Variants in ROCK1 observed in about 807,000 individuals in gnomAD.
ROCK1 encodes the protein rho-associated protein kinase 1.
In ROCK1, 36 loss-of-function variants were observed where a neutral mutation model predicts 196.8. The observed-to-expected ratio is 0.18, with a 90% CI of 0.14 to 0.24. The LOEUF (loss-of-function observed/expected upper bound fraction) is 0.24, where lower values mean the gene tolerates loss of function less well. Among genes scored for constraint, ROCK1 ranks in the 10% least tolerant of loss-of-function variants. ROCK1 has a pLI of 1.00. For missense variants in ROCK1, 920 were observed against 1,562.0 expected, an observed-to-expected ratio of 0.59 and a Z score of 6.93; for synonymous variants, 443 against 515.9, an observed-to-expected ratio of 0.86 and a Z score of 1.91.
chr18:21,003,815 G>A (rs2143432543), intron 16 of ROCK1, among the ~76,000 whole-genome samples: 1 of 152,038 alleles, frequency 6.6e-6, no homozygotes, highest in East Asian at 1.9e-4. Flanking sequence ...TTTCAGATTT[G>A]GGATACTCAA....
rs2036753668 is a variant in ROCK1 at position 21,111,642 on chromosome 18, T to C, written c.-732A>G. The C allele has an allele frequency of 6.5e-6, 1 of 152,758 alleles. No homozygotes were observed. Among genetic ancestry groups the C allele is most frequent in the Non-Finnish European group, 1.5e-5 (1 of 68,810 alleles). 9.5% of individuals were successfully genotyped at this position (152,758 alleles called of 1,614,324 possible). A position where few individuals can be genotyped will look rare whatever the true frequency, so the allele number is the denominator to read the frequency against. ...GGAGAGCGGGCGAAGAGGAAGACGA[T>C]AGTTGGGTCCCGGCGGCTGCTGATG... is the stretch of plus-strand genomic sequence containing the variant. On this transcript the variant is annotated 5_prime_UTR_variant, in exon 1 of 33. Transcript: ENST00000399799. The surrounding 1 kb of genome is among the most constrained non-coding windows in gnomAD (Gnocchi z 4.2).
chr18:21,099,694 G>A (rs1159950684), intron 1 of ROCK1, among the ~76,000 whole-genome samples: 2 of 152,164 alleles, frequency 1.3e-5, no homozygotes, highest in Non-Finnish European at 1.5e-5. Context: ...GCAGTGAACC[G>A]TGATCATGCC....
At chr18:20,997,829 C>T (rs1395885231) in intron 16 of ROCK1, among the ~76,000 whole-genome samples, 1 of 144,374 alleles carries the variant, frequency 6.9e-6, no homozygotes, top group Non-Finnish European at 1.5e-5. Context: ...AAATCAACAA[C>T]AAGTGGATTT....
At position 20,998,101 on chromosome 18, in the gene ROCK1, T is replaced by C. The variant is rs190912992; in HGVS notation, c.1886-5164A>G. ...ATCCACCCGCCTCGGCCTCCCAAAG[T>C]GCTGGGATGACAGGCATGAGCCATC... On this transcript the variant is annotated intron_variant, in intron 16 of 32. Coordinates refer to ENST00000399799, the MANE Select transcript of ROCK1 (RefSeq NM_005406.3). Among the ~76,000 whole-genome samples the C allele has an allele frequency of 3.4e-3, 519 of 152,262 alleles. 2 individuals are homozygous for C. Among genetic ancestry groups the C allele is most frequent in the African/African-American group, 0.012 (501 of 41,562 alleles).
chr18:20,958,909 ATT>A (rs1210836549), intron 29 of ROCK1, among the ~76,000 whole-genome samples: 85 of 101,290 alleles, frequency 8.4e-4, no homozygotes, highest in South Asian at 1.2e-3. Context: ...ATATATATAT[ATT>A]TTATATATTT....
chr18:21,091,432 G>A (rs1247083905), intron 1 of ROCK1, among the ~76,000 whole-genome samples: 3 of 151,760 alleles, frequency 2.0e-5, no homozygotes, highest in Admixed American at 6.6e-5. Context: ...GTGAAACCCC[G>A]TCTCTACTAA....
chr18:20,982,541 C>T (rs768176584), intron 21 of ROCK1, among the ~76,000 whole-genome samples: 4 of 152,072 alleles, frequency 2.6e-5, no homozygotes, highest in Admixed American at 6.6e-5. Flanking sequence ...TGTGAGCCAC[C>T]GCACCTGGCC....
chr18:21,099,682 C>T (rs1225973622), intron 1 of ROCK1, among the ~76,000 whole-genome samples: 1 of 152,148 alleles, frequency 6.6e-6, no homozygotes, highest in Non-Finnish European at 1.5e-5. Flanking sequence ...GAGGAAGAGG[C>T]TGCAGTGAAC....
At chr18:21,046,142 C>T (rs1184299774) in intron 4 of ROCK1, among the ~76,000 whole-genome samples, 2 of 151,972 alleles carry the variant, frequency 1.3e-5, no homozygotes, top group Non-Finnish European at 2.9e-5. Context: ...GATCTCCTGA[C>T]CTCGTGATCC....
chr18:21,091,194 G>A (rs2036567058), intron 1 of ROCK1, among the ~76,000 whole-genome samples: 1 of 151,862 alleles, frequency 6.6e-6, no homozygotes, highest in Non-Finnish European at 1.5e-5. Flanking sequence ...TAACGAGGAT[G>A]AAGACCTTTA....
chr18:20,952,643 CA>C (rs2035200593), intron 32 of ROCK1, among the ~76,000 whole-genome samples: 1 of 151,552 alleles, frequency 6.6e-6, no homozygotes. Flanking sequence ...CCAGGCGTGG[CA>C]TGCGTCTGTA....
rs1350681808 is a variant in ROCK1, at chr18:20,949,838, A to T, written c.*1546T>A. On this transcript the variant is annotated 3_prime_UTR_variant, in exon 33 of 33. Coordinates refer to ENST00000399799, the MANE Select transcript of ROCK1 (RefSeq NM_005406.3). ...TTGAAGTATGTTTTCCATTCATTTC[A>T]GCCATGAGAAAACACATTGCAGTAA... The T allele has an allele frequency of 1.3e-5, 2 of 152,680 alleles. No individual in the cohort carries two copies. The highest frequency in any genetic ancestry group is 2.9e-5 in the Non-Finnish European group (2 of 68,046). The allele number at this position is 152,680 out of a possible 1,614,324, so 9.5% of individuals were successfully genotyped here. A position where few individuals can be genotyped will look rare whatever the true frequency, so the allele number is the denominator to read the frequency against.
At chr18:21,075,427 T>C (rs558375225) in intron 1 of ROCK1, among the ~76,000 whole-genome samples, 2 of 152,292 alleles carry the variant, frequency 1.3e-5, no homozygotes, top group Admixed American at 6.5e-5. Context: ...AGATGATAAA[T>C]ATTTCAGACA....
intron 9 of ROCK1, among the ~76,000 whole-genome samples, 183 bp from the exon 10 acceptor site, chr18:21,029,118 T>C (rs576566703): frequency 1.8e-4 from 28 of 152,274 alleles, no homozygotes; most frequent in Admixed American, 1.7e-3. Flanking sequence ...TAATTGATCA[T>C]TATGTAATTC....
At chr18:20,969,018 A>T in intron 24 of ROCK1, 97 bp downstream of exon 24, 1 of 907,306 alleles carries the variant, frequency 1.1e-6, no homozygotes, top group Non-Finnish European at 1.7e-6. Context: ...GTTACTTAAT[A>T]TATGAAAACA....
At chr18:21,098,924 CAA>C (rs1171689366) in intron 1 of ROCK1, among the ~76,000 whole-genome samples, 2 of 152,116 alleles carry the variant, frequency 1.3e-5, no homozygotes, top group East Asian at 3.8e-4. Context: ...GACAAAAATT[CAA>C]AAGTCTTACA....
At chr18:21,064,559 A>C (rs1211802765) in intron 2 of ROCK1, among the ~76,000 whole-genome samples, 5 of 152,238 alleles carry the variant, frequency 3.3e-5, no homozygotes, top group African/African-American at 1.2e-4. Flanking sequence ...TAGTGAAATT[A>C]TCCTTTTCTC....
At chr18:21,071,803 T>C (rs2143552852) in intron 1 of ROCK1, among the ~76,000 whole-genome samples, 1 of 152,314 alleles carries the variant, frequency 6.6e-6, no homozygotes. Flanking sequence ...AAATAGTATA[T>C]TTACATGATA....
intron 2 of ROCK1, among the ~76,000 whole-genome samples, chr18:21,050,642 C>A (rs1378350516): frequency 6.6e-6 from 1 of 152,178 alleles, no homozygotes; most frequent in Non-Finnish European, 1.5e-5. Context: ...TACACAGCAG[C>A]TATTAAACTT....
Sources: allele counts gnomAD v4.1 joint callset (sites outside exome capture counted in the v4.1 genomes callset), GRCh38; gene constraint gnomAD v4.1.1; non-coding constraint Gnocchi (gnomAD v3.1); transcripts MANE v1.5; gene names NCBI Gene and HGNC (gene_info 2026-07-23, HGNC 2026-07-21).